The following SDK1 variants were observed in gnomAD, a reference collection of about 807,000 sequenced individuals.
The protein encoded by SDK1 is protein sidekick-1.
A neutral mutation model predicts 245.5 loss-of-function variants in SDK1; 157 were observed. That is an observed-to-expected ratio of 0.64 (90% CI 0.56 to 0.73). The LOEUF is 0.73. SDK1 is among the 30% of genes least tolerant of loss of function. The probability of loss-of-function intolerance (pLI) is 0.00; values close to 1 mark genes in which losing one functional copy is unlikely to be tolerated. For missense variants in SDK1, 3,583 were observed against 3,002.3 expected (o/e 1.19, Z -4.52); for synonymous variants, 1,647 against 1,278.5 (o/e 1.29, Z -6.15).
chr7:3,342,572 G>T (rs997563953), intron 1 of SDK1, among the ~76,000 whole-genome samples: 1 of 151,488 alleles, frequency 6.6e-6, no homozygotes, highest in African/African-American at 2.4e-5. Flanking sequence ...TAGGCAACAA[G>T]AGCGAAACTC....
chr7:4,130,128 T>G, intron 27 of SDK1, 31 bp downstream of exon 27: 1 of 1,538,584 alleles, frequency 6.5e-7, no homozygotes, highest in Non-Finnish European at 8.8e-7. Flanking sequence ...TTCGGGAGCC[T>G]TGCTGCCTCC....
At chr7:3,394,353 A>G (rs867054744) in intron 1 of SDK1, among the ~76,000 whole-genome samples, 1 of 152,158 alleles carries the variant, frequency 6.6e-6, no homozygotes, top group African/African-American at 2.4e-5. Context: ...GATAATAAAT[A>G]TAAGAATTTA....
At chr7:3,688,096 A>T (rs1784343103) in intron 4 of SDK1, among the ~76,000 whole-genome samples, 1 of 152,248 alleles carries the variant, frequency 6.6e-6, no homozygotes, top group South Asian at 2.1e-4. Context: ...GAGCTGAGAC[A>T]ATCAGTGCTC....
chr7:4,230,037 C>T (rs910242788), intron 40 of SDK1, among the ~76,000 whole-genome samples: 1 of 43,574 alleles, frequency 2.3e-5, no homozygotes, highest in African/African-American at 9.6e-5. Context: ...GGAGGGGGAC[C>T]CAGAAGGAAG....
intron 1 of SDK1, among the ~76,000 whole-genome samples, chr7:3,413,073 T>G (rs1420979209): frequency 4.6e-5 from 7 of 152,102 alleles, no homozygotes; most frequent in Non-Finnish European, 8.8e-5. Context: ...GGGGGCAGGC[T>G]AATTAGAAGG....
At chr7:4,010,852 A>G (rs1785889137) in intron 14 of SDK1, 114 bp from the exon 15 acceptor site, 2 of 1,065,002 alleles carry the variant, frequency 1.9e-6, no homozygotes, top group African/African-American at 3.1e-5. Context: ...TCCTTCTCCT[A>G]GAGCTGTCCT....
At chr7:3,964,985 T>C (rs1294247092) in intron 9 of SDK1, among the ~76,000 whole-genome samples, 1 of 152,144 alleles carries the variant, frequency 6.6e-6, no homozygotes, top group Non-Finnish European at 1.5e-5. Context: ...TGAGTCTTGA[T>C]TGATTAGAAT....
In SDK1 at chr7:3,814,614, A is replaced by C. The variant is rs373566116; in HGVS notation, c.714-6836A>C. ...GATGCGGGCTCTTTTTTGGTTCCAC[A>C]TGAACTTTAAAGTAGTTTTTTCCAA... is the stretch of plus-strand genomic sequence containing the variant. On this transcript the variant is annotated intron_variant, in intron 4 of 44. Transcript: ENST00000404826. Among the ~76,000 whole-genome samples, 316 of 152,202 alleles carry C rather than the reference A, an allele frequency of 2.1e-3. 12 individuals carry two copies. The South Asian group carries it at 0.063, about 30-fold the overall frequency.
intron 4 of SDK1, among the ~76,000 whole-genome samples, chr7:3,748,303 TC>T (rs2115061137): frequency 6.6e-6 from 1 of 152,336 alleles, no homozygotes; most frequent in East Asian, 1.9e-4. Context: ...TTCCTTTATT[TC>T]CCGGATTCTC....
chr7:3,990,636 C>T (rs1283145857), intron 14 of SDK1, among the ~76,000 whole-genome samples: 2 of 152,204 alleles, frequency 1.3e-5, no homozygotes, highest in African/African-American at 2.4e-5. Flanking sequence ...CCCCATCAGG[C>T]GCTGTCGCCT....
rs1562500447 is a variant in SDK1 at position 3,462,618 on chromosome 7, C to G, written c.299-156462C>G. On this transcript the variant is annotated intron_variant, in intron 1 of 44. Transcript: ENST00000404826. ...CTCAACTCGAACTAGACCAAACTTA[C>G]CTATCTACCTAGTCCAGCTGTACCA... is the stretch of plus-strand genomic sequence containing the variant. 1.3e-5 allele frequency among the ~76,000 whole-genome samples: 2 copies of G among 152,138 alleles called. 1 individual carries two copies. The highest frequency in any genetic ancestry group is 4.8e-5 in the African/African-American group (2 of 41,428).
At chr7:3,590,693 A>G (rs770596648) in intron 1 of SDK1, among the ~76,000 whole-genome samples, 4 of 152,230 alleles carry the variant, frequency 2.6e-5, no homozygotes, top group Middle Eastern at 6.8e-3. Context: ...TTACTTCACA[A>G]GGGAAACCTT....
intron 1 of SDK1, among the ~76,000 whole-genome samples, chr7:3,595,511 T>G (rs915147740): frequency 2.0e-5 from 3 of 152,070 alleles, no homozygotes; most frequent in Non-Finnish European, 4.4e-5. Context: ...CTCCGATATA[T>G]TTAATAAAAC....
intron 1 of SDK1, among the ~76,000 whole-genome samples, chr7:3,321,764 T>TCCC (rs1562412645): frequency 2.8e-4 from 21 of 75,388 alleles, no homozygotes; most frequent in South Asian, 6.6e-4. Flanking sequence ...CCTCCCTCCC[T>TCCC]TCCTTCCTTC....
At chr7:3,307,610 A>G (rs998746517) in intron 1 of SDK1, among the ~76,000 whole-genome samples, 3 of 152,228 alleles carry the variant, frequency 2.0e-5, no homozygotes, top group Non-Finnish European at 4.4e-5. Context: ...GAAAGCTCCA[A>G]AGCCAGAAAC....
chr7:4,027,734 T>G (rs1787469524), intron 17 of SDK1, among the ~76,000 whole-genome samples: 1 of 152,162 alleles, frequency 6.6e-6, no homozygotes, highest in Admixed American at 6.5e-5. Flanking sequence ...TTCATCACAT[T>G]ATATGACTTA....
rs1023517250 is a variant in SDK1, at chr7:3,643,993, C to G, written c.713+1888C>G. Among the ~76,000 whole-genome samples the G allele has an allele frequency of 2.6e-5, 4 of 151,184 alleles. No homozygotes were observed. The East Asian group carries it at 5.8e-4, about 22-fold the overall frequency. On this transcript the variant is annotated intron_variant, in intron 4 of 44. Transcript: ENST00000404826. ...TCTCAGCTCACTGCAACCTTTCCCT[C>G]CCAGGTTCAAGCGATTCTCCTGCCT...
intron 35 of SDK1, among the ~76,000 whole-genome samples, chr7:4,188,646 C>G (rs1245429498): frequency 6.7e-6 from 1 of 150,000 alleles, no homozygotes; most frequent in East Asian, 2.0e-4. Context: ...TCATAATTTT[C>G]ATGGTTTTAT....
intron 35 of SDK1, among the ~76,000 whole-genome samples, chr7:4,195,820 C>G (rs1377084480): frequency 6.6e-6 from 1 of 152,126 alleles, no homozygotes; most frequent in African/African-American, 2.4e-5. Context: ...CGCTGCTCCT[C>G]CCCAGCCTCT....
Sources: allele counts gnomAD v4.1 joint callset (sites outside exome capture counted in the v4.1 genomes callset), GRCh38; gene constraint gnomAD v4.1.1; transcripts MANE v1.5; gene names NCBI Gene and HGNC (gene_info 2026-07-23, HGNC 2026-07-21).